Variants in WDR45 observed in about 807,000 individuals in gnomAD.
The protein encoded by WDR45 is WD repeat domain 45.
Under a neutral mutation model 27.3 loss-of-function variants are expected in WDR45, and 2 were observed. The observed-to-expected ratio is 0.07, with a 90% CI of 0.03 to 0.23. WDR45 has a LOEUF of 0.23. Ranked by LOEUF, WDR45 falls within the 10% of genes least tolerant of loss-of-function variation. The pLI is 1.00. For synonymous variants in WDR45, 99 were observed against 119.2 expected, an observed-to-expected ratio of 0.83 and a Z score of 1.11; for missense variants, 175 against 311.9, an observed-to-expected ratio of 0.56 and a Z score of 3.31.
At chrX:49,075,795 G>C in intron 7 of WDR45, 42 bp from the exon 8 acceptor site, 1 of 1,197,511 alleles carries the variant, frequency 8.4e-7, no homozygotes, top group Non-Finnish European at 1.1e-6. Flanking sequence ...GTGGTATGGA[G>C]GGAAGGGGCC....
At chrX:49,096,943 T>G (rs2065127562) in intron 2 of WDR45, among the ~76,000 whole-genome samples, 1 of 111,471 alleles carries the variant, frequency 9.0e-6, no homozygotes, top group African/African-American at 3.3e-5. Flanking sequence ...TTCCACCATG[T>G]TGGCCAGGAT....
At chrX:49,076,570 A>G in intron 5 of WDR45, 46 bp from the exon 6 acceptor site, 1 of 1,204,009 alleles carries the variant, frequency 8.3e-7, no homozygotes, top group Non-Finnish European at 1.1e-6. Flanking sequence ...GGGTGGCGGG[A>G]TGCCCAGGGA....
At chrX:49,093,878 A>G (rs1557086963) in intron 2 of WDR45, among the ~76,000 whole-genome samples, 1 of 103,149 alleles carries the variant, frequency 9.7e-6, no homozygotes, top group Non-Finnish European at 2.0e-5. Context: ...GTCTCACTCT[A>G]TCGCCCAAGC....
chrX:49,092,896 GGTCT>G (rs1486694550), intron 2 of WDR45, among the ~76,000 whole-genome samples: 2 of 112,045 alleles, frequency 1.8e-5, no homozygotes, highest in Admixed American at 1.9e-4. Context: ...AACTCACGCA[GGTCT>G]GTGTTTCCTC....
At chrX:49,089,157 G>A (rs138511046) in intron 2 of WDR45, among the ~76,000 whole-genome samples, 7,809 of 110,201 alleles carry the variant, frequency 0.071, 732 homozygotes, top group African/African-American at 0.25. Context: ...GCGTGGTGGC[G>A]CACGCCTGTA....
chrX:49,084,663 C>T (rs1290064243), upstream of WDR45, among the ~76,000 whole-genome samples: 2 of 106,833 alleles, frequency 1.9e-5, no homozygotes, highest in African/African-American at 6.8e-5. Context: ...GACGGAGTCT[C>T]ACTCTGTTGC....
At chrX:49,094,950 G>C (rs782320518) in intron 2 of WDR45, among the ~76,000 whole-genome samples, 4 of 109,460 alleles carry the variant, frequency 3.7e-5, no homozygotes, top group Non-Finnish European at 7.6e-5. Flanking sequence ...CACCACGCCT[G>C]GCTAATTTTG....
At chrX:49,076,398 G>A (rs1557084221) in intron 6 of WDR45, 32 bp downstream of exon 6, 2 of 1,193,195 alleles carry the variant, frequency 1.7e-6, no homozygotes, top group Admixed American at 4.4e-5. Flanking sequence ...ACTGTTTCAT[G>A]CCCTTACACC....
At chrX:49,099,272 C>G (rs2065136708) in intron 2 of WDR45, among the ~76,000 whole-genome samples, 1 of 107,288 alleles carries the variant, frequency 9.3e-6, no homozygotes, top group South Asian at 4.0e-4. Context: ...TGCAGTGAGC[C>G]GAGATCACAC....
chrX:49,077,988 C>T (rs782647925), intron 2 of WDR45, 53 bp downstream of exon 2: 1 of 1,208,279 alleles, frequency 8.3e-7, no homozygotes, highest in South Asian at 1.8e-5. Flanking sequence ...CCACTTCTGA[C>T]CCCTCTTTTC....
chrX:49,100,744 T>C (rs781981958), intron 1 of WDR45: 3 of 112,411 alleles, frequency 2.7e-5, no homozygotes, highest in African/African-American at 1.0e-4. Flanking sequence ...GCTTTTTCAC[T>C]GCTGCAAACG....
rs1361055322 is a variant in WDR45, at chrX:49,076,488, G to A, written c.378C>T (p.Tyr126=). Residue 126 remains tyrosine, a synonymous_variant, in exon 6 of 11, where the codon TAC becomes TAT. Transcript: ENST00000376372. The part of the protein sequence containing the change: ...VIVLKNRIYV[Y]SFPDNPRKLF... ...GCTTTCGGGGATTGTCGGGGAAGGA[G>A]TACACATAGATGCGGTTCTTCAGCA... 13 of 1,210,764 alleles carry A rather than the reference G, an allele frequency of 1.1e-5. No homozygotes were observed. Among genetic ancestry groups the A allele is most frequent in the African/African-American group, 7.0e-5 (4 of 57,421 alleles).
At chrX:49,087,695 G>C (rs1424438079) in intron 2 of WDR45, among the ~76,000 whole-genome samples, 2 of 112,005 alleles carry the variant, frequency 1.8e-5, no homozygotes, top group African/African-American at 6.5e-5. Flanking sequence ...AGAGCCAAGA[G>C]AAGATTCCAG....
At chrX:49,078,588 C>A (rs1173859002) in intron 1 of WDR45, among the ~76,000 whole-genome samples, 1 of 112,150 alleles carries the variant, frequency 8.9e-6, no homozygotes, top group Non-Finnish European at 1.9e-5. Flanking sequence ...AGATCCCAAA[C>A]AACATGGCCA....
chrX:49,079,393 G>C (rs1468366896), intron 1 of WDR45, among the ~76,000 whole-genome samples: 3 of 108,945 alleles, frequency 2.8e-5, no homozygotes, highest in Non-Finnish European at 5.7e-5. Context: ...CCCCTACTAA[G>C]ATTACTGCCA....
chrX:49,080,832 C>A (rs2065063329), upstream of WDR45, among the ~76,000 whole-genome samples: 1 of 102,015 alleles, frequency 9.8e-6, no homozygotes, highest in Non-Finnish European at 2.0e-5. Context: ...AAAAGAGGTC[C>A]TACCTATGAT....
At chrX:49,091,277 C>T (rs782010427) in intron 2 of WDR45, among the ~76,000 whole-genome samples, 1 of 108,205 alleles carries the variant, frequency 9.2e-6, no homozygotes, top group Non-Finnish European at 1.9e-5. Flanking sequence ...CCCATCTCTA[C>T]CAAAAATACA....
At chrX:49,095,682 G>C (rs370019238) in intron 2 of WDR45, among the ~76,000 whole-genome samples, 72 of 103,767 alleles carry the variant, frequency 6.9e-4, no homozygotes, top group South Asian at 2.3e-3. Context: ...GGATGGTCTC[G>C]ATCTCCTGAC....
chrX:49,092,802 A>T (rs1281634127), intron 2 of WDR45, among the ~76,000 whole-genome samples: 6 of 112,324 alleles, frequency 5.3e-5, no homozygotes, highest in Admixed American at 4.8e-4. Flanking sequence ...TTTCCCTCAA[A>T]CAATTTAAAG....
Sources: allele counts gnomAD v4.1 joint callset (sites outside exome capture counted in the v4.1 genomes callset), GRCh38; gene constraint gnomAD v4.1.1; transcripts MANE v1.5; gene names NCBI Gene and HGNC (gene_info 2026-07-23, HGNC 2026-07-21).